Variants in NCKAP5 observed in about 807,000 individuals in gnomAD.
The protein encoded by NCKAP5 is nck-associated protein 5.
NCKAP5 carries 92 observed loss-of-function variants against 167.0 expected under a neutral mutation model. That is an observed-to-expected ratio of 0.55 (90% confidence interval 0.47 to 0.66). The LOEUF (loss-of-function observed/expected upper bound fraction) is 0.66. Among genes scored for constraint, NCKAP5 ranks in the 30% least tolerant of loss-of-function variants. NCKAP5 has a pLI of 0.00. For synonymous variants in NCKAP5, 891 were observed against 877.4 expected, an observed-to-expected ratio of 1.02 and a Z score of -0.27; for missense variants, 2,378 against 2,315.0, an observed-to-expected ratio of 1.03 and a Z score of -0.56.
intron 8 of NCKAP5, among the ~76,000 whole-genome samples, chr2:132,917,052 T>A (rs763038792): frequency 6.6e-5 from 10 of 152,232 alleles, no homozygotes; most frequent in Non-Finnish European, 1.3e-4. Flanking sequence ...TTGTAGGCTC[T>A]TTGTGTGCTT....
chr2:132,780,111 T>C (rs1682891836), intron 15 of NCKAP5, among the ~76,000 whole-genome samples: 1 of 152,196 alleles, frequency 6.6e-6, no homozygotes, highest in Non-Finnish European at 1.5e-5. Context: ...TAACTGAAAC[T>C]AGTACACCCC....
chr2:132,963,962 G>A (rs2076591219), intron 7 of NCKAP5, 93 bp from the exon 8 acceptor site: 3 of 1,398,182 alleles, frequency 2.1e-6, no homozygotes, highest in Non-Finnish European at 3.0e-6. Flanking sequence ...TCTCCTGCGT[G>A]TGCATTCTTC....
chr2:133,395,156 G>C (rs1238138527), intron 3 of NCKAP5, among the ~76,000 whole-genome samples: 1 of 152,176 alleles, frequency 6.6e-6, no homozygotes, highest in Non-Finnish European at 1.5e-5. Flanking sequence ...TTTTCTAAAA[G>C]GTTAGTGAGG....
intron 6 of NCKAP5, chr2:133,122,901 G>A (rs888063044): frequency 6.6e-6 from 1 of 152,072 alleles, no homozygotes; most frequent in African/African-American, 2.4e-5. Flanking sequence ...AGCATAAAAA[G>A]CATTATAAAA....
chr2:132,960,678 G>A (rs537032964), intron 8 of NCKAP5, among the ~76,000 whole-genome samples: 1 of 152,184 alleles, frequency 6.6e-6, no homozygotes, highest in Admixed American at 6.5e-5. Flanking sequence ...CAGCTGGAGG[G>A]TGATTTGCTT....
intron 11 of NCKAP5, among the ~76,000 whole-genome samples, chr2:132,811,325 A>G (rs1017217949): frequency 3.9e-5 from 6 of 152,114 alleles, no homozygotes; most frequent in Non-Finnish European, 5.9e-5. Context: ...GGGGCCCTAG[A>G]GCTCCCAGGA....
chr2:133,110,376 C>T (rs2081866730), intron 6 of NCKAP5, among the ~76,000 whole-genome samples: 2 of 152,128 alleles, frequency 1.3e-5, no homozygotes, highest in Admixed American at 1.3e-4. Context: ...GGACACTGGC[C>T]TGAGAAGATG....
At chr2:133,354,959 G>A (rs2150834791) in intron 3 of NCKAP5, among the ~76,000 whole-genome samples, 1 of 152,110 alleles carries the variant, frequency 6.6e-6, no homozygotes, top group Admixed American at 6.5e-5. Context: ...AATATGGTGT[G>A]GAATAAAATA....
intron 19 of NCKAP5, among the ~76,000 whole-genome samples, chr2:132,717,792 G>A (rs953097165): frequency 1.3e-5 from 2 of 152,114 alleles, no homozygotes; most frequent in Admixed American, 6.5e-5. Context: ...TCTTGTTTGG[G>A]AAATTGGGGC....
chr2:133,032,905 T>G (rs1023083941), intron 6 of NCKAP5, among the ~76,000 whole-genome samples: 3 of 152,086 alleles, frequency 2.0e-5, no homozygotes, highest in Non-Finnish European at 4.4e-5. Context: ...AAGGGGGAAG[T>G]GCTACACGTT....
chr2:133,378,009 G>C (rs1686268727), intron 3 of NCKAP5, among the ~76,000 whole-genome samples: 8 of 152,116 alleles, frequency 5.3e-5, no homozygotes. Flanking sequence ...GGCTTCCCAG[G>C]TGTGTTATAT....
At chr2:132,790,245 G>T (rs1683951331) in intron 12 of NCKAP5, 40 bp from the exon 13 acceptor site, 1 of 1,559,034 alleles carries the variant, frequency 6.4e-7, no homozygotes, top group South Asian at 1.2e-5. Context: ...GCTTTGCTCA[G>T]AGGAGAGTAA....
chr2:133,382,827 A>T (rs1686621833), intron 3 of NCKAP5, among the ~76,000 whole-genome samples: 1 of 152,180 alleles, frequency 6.6e-6, no homozygotes, highest in Non-Finnish European at 1.5e-5. Flanking sequence ...TAGTCTGGAG[A>T]GTTCAGGACA....
At chr2:133,099,665 C>CA (rs1185680121) in intron 6 of NCKAP5, among the ~76,000 whole-genome samples, 6 of 152,170 alleles carry the variant, frequency 3.9e-5, no homozygotes, top group African/African-American at 9.6e-5. Context: ...ACTATATTCT[C>CA]AAAAAAACCC....
intron 3 of NCKAP5, among the ~76,000 whole-genome samples, chr2:133,396,633 C>T (rs1447471330): frequency 6.6e-6 from 1 of 152,048 alleles, no homozygotes; most frequent in Non-Finnish European, 1.5e-5. Flanking sequence ...AAGTTCCCCC[C>T]TTTTTATAAG....
intron 8 of NCKAP5, among the ~76,000 whole-genome samples, chr2:132,917,037 C>A (rs1464483075): frequency 6.6e-6 from 1 of 152,178 alleles, no homozygotes; most frequent in African/African-American, 2.4e-5. Context: ...GTGTGCCAGG[C>A]ACTGTTGTAG....
intron 3 of NCKAP5, among the ~76,000 whole-genome samples, chr2:133,321,935 A>G (rs1682085980): frequency 6.6e-6 from 1 of 152,204 alleles, no homozygotes; most frequent in African/African-American, 2.4e-5. Flanking sequence ...CTTCTCAACC[A>G]TGCCTTGTCT....
In NCKAP5 at chr2:132,732,064, G is replaced by A. The variant is rs776371779; in HGVS notation, c.5129-13C>T. 1 of 1,597,776 alleles carries A rather than the reference G, an allele frequency of 6.3e-7. No homozygotes were observed. Among genetic ancestry groups the A allele is most frequent in the Non-Finnish European group, 8.5e-7 (1 of 1,170,020 alleles). On this transcript the variant is annotated splice_polypyrimidine_tract_variant and intron_variant, in intron 16 of 19. Coordinates refer to ENST00000409261, the MANE Select transcript of NCKAP5 (RefSeq NM_207363.3). The stretch of plus-strand genomic sequence containing the variant: ...TGGCAGTTGGATTCTGAGATAGAGA[G>A]ACAGAGAGAGAAGGGAATAGAGAAG...
chr2:132,979,994 TTC>T (rs2077085108), intron 7 of NCKAP5, among the ~76,000 whole-genome samples: 1 of 146,728 alleles, frequency 6.8e-6, no homozygotes, highest in African/African-American at 2.7e-5. Context: ...CTTTTTCTTT[TTC>T]TTTTTTTTTT....
Sources: allele counts gnomAD v4.1 joint callset (sites outside exome capture counted in the v4.1 genomes callset), GRCh38; gene constraint gnomAD v4.1.1; transcripts MANE v1.5; gene names NCBI Gene and HGNC (gene_info 2026-07-23, HGNC 2026-07-21).